ATP8A2: variants seen among roughly 807,000 people sequenced by gnomAD.
The protein encoded by ATP8A2 is phospholipid-transporting ATPase IB.
A neutral mutation model predicts 165.6 loss-of-function variants in ATP8A2; 100 were observed. The ratio of observed to expected loss-of-function variants is 0.60; its 90% CI spans 0.51 to 0.71. ATP8A2 has a LOEUF of 0.71. Among genes scored for constraint, ATP8A2 ranks in the 30% least tolerant of loss-of-function variants. The pLI is 0.00. For missense variants in ATP8A2, 1,227 were observed against 1,479.5 expected, an observed-to-expected ratio of 0.83 and a Z score of 2.80; for synonymous variants, 543 against 548.8, an observed-to-expected ratio of 0.99 and a Z score of 0.15.
chr13:25,745,301 G>C (rs2044006661), intron 25 of ATP8A2, among the ~76,000 whole-genome samples: 1 of 152,190 alleles, frequency 6.6e-6, no homozygotes, highest in South Asian at 2.1e-4. Flanking sequence ...TCATGGCATA[G>C]AACTCAGCTT....
chr13:25,677,726 C>G (rs1225941546), intron 24 of ATP8A2, among the ~76,000 whole-genome samples: 1 of 152,174 alleles, frequency 6.6e-6, no homozygotes, highest in African/African-American at 2.4e-5. Context: ...AGGGGACTGT[C>G]TTCTCATGGT....
chr13:25,940,674 T>G (rs1009068912), intron 33 of ATP8A2, among the ~76,000 whole-genome samples: 34 of 152,322 alleles, frequency 2.2e-4, no homozygotes, highest in African/African-American at 8.2e-4. Flanking sequence ...CACAAGCCTT[T>G]GCCCACCGTG....
At chr13:25,815,254 G>C (rs1419229749) in intron 27 of ATP8A2, among the ~76,000 whole-genome samples, 4 of 152,126 alleles carry the variant, frequency 2.6e-5, no homozygotes, top group Admixed American at 2.6e-4. Flanking sequence ...TCAACAGAGT[G>C]AAAAGGCAGC....
intron 25 of ATP8A2, among the ~76,000 whole-genome samples, chr13:25,717,418 TA>T (rs55732375): frequency 0.057 from 5,430 of 94,982 alleles, 145 homozygotes; most frequent in Middle Eastern, 0.16. Context: ...CTGAAAAAAC[TA>T]AAAAAAAAAA....
intron 30 of ATP8A2, among the ~76,000 whole-genome samples, chr13:25,847,359 G>A (rs962318802): frequency 5.9e-5 from 9 of 152,182 alleles, no homozygotes; most frequent in Admixed American, 2.0e-4. Flanking sequence ...TATGAACTGC[G>A]GTAAAGCTCT....
At chr13:25,620,061 G>A (rs1426340479) in intron 24 of ATP8A2, among the ~76,000 whole-genome samples, 1 of 152,164 alleles carries the variant, frequency 6.6e-6, no homozygotes, top group East Asian at 1.9e-4. Flanking sequence ...ATAGGGCAGA[G>A]TAAATATTTG....
chr13:25,806,465 A>C (rs931078550), intron 27 of ATP8A2, among the ~76,000 whole-genome samples: 1 of 152,084 alleles, frequency 6.6e-6, no homozygotes, highest in East Asian at 1.9e-4. Context: ...GCTGAAGCCA[A>C]CATTACCAGG....
chr13:25,832,343 A>ACACTCTAGT (rs1951500136), intron 28 of ATP8A2, among the ~76,000 whole-genome samples: 1 of 152,222 alleles, frequency 6.6e-6, no homozygotes, highest in East Asian at 1.9e-4. Context: ...AATGCAGAGA[A>ACACTCTAGT]CACTCTAGTA....
chr13:25,732,212 G>A (rs560010495), intron 25 of ATP8A2, among the ~76,000 whole-genome samples: 11 of 152,330 alleles, frequency 7.2e-5, no homozygotes, highest in South Asian at 4.1e-4. Flanking sequence ...TTGGAGGCAC[G>A]TATGATGCTT....
intron 33 of ATP8A2, among the ~76,000 whole-genome samples, chr13:25,926,167 A>G (rs186981906): frequency 1.3e-5 from 2 of 151,876 alleles, no homozygotes; most frequent in African/African-American, 4.8e-5. Context: ...AGACTTAAAG[A>G]CTCTCCACAA....
chr13:25,404,711 A>T (rs956313032), intron 1 of ATP8A2, among the ~76,000 whole-genome samples: 1 of 151,438 alleles, frequency 6.6e-6, no homozygotes, highest in African/African-American at 2.4e-5. Flanking sequence ...AGGGATAATC[A>T]TTTTTCTTTT....
At position 25,996,644 on chromosome 13, in the gene ATP8A2, G is replaced by T. The variant is rs150621051; in HGVS notation, c.3378-15887G>T. ...GCGTTCAAGCAATTCTCCTGCCTCAGCCTCCTAAGTAGCTGGTATTACAGG... is the reference window on the plus strand; with the variant it reads ...GCGTTCAAGCAATTCTCCTGCCTCATCCTCCTAAGTAGCTGGTATTACAGG... On this transcript the variant is annotated intron_variant, in intron 35 of 36. Transcript: ENST00000381655. Among the ~76,000 whole-genome samples, 299 of 152,074 alleles carry T rather than the reference G, an allele frequency of 2.0e-3. 2 individuals carry two copies. Among genetic ancestry groups the T allele is most frequent in the African/African-American group, 6.3e-3 (263 of 41,478 alleles).
chr13:25,498,137 T>C (rs2137680067), intron 2 of ATP8A2, among the ~76,000 whole-genome samples: 1 of 152,250 alleles, frequency 6.6e-6, no homozygotes, highest in East Asian at 1.9e-4. Flanking sequence ...GTCATGCTCA[T>C]TGTTAGGATT....
Position 25,578,914 on chromosome 13 carries a change from G to C in ATP8A2, c.1867+15G>C. On this transcript the variant is annotated intron_variant, in intron 21 of 36. Transcript: ENST00000381655. ...TGCCACGGAAGGTAAGTGGAATTTG[G>C]AAATGCTGTTTTTGGCCATTGGAGC... is the stretch of plus-strand genomic sequence containing the variant. 6.4e-7 allele frequency: 1 copy of C among 1,565,486 alleles called. No homozygotes were observed. The highest frequency in any genetic ancestry group is 8.8e-7 in the Non-Finnish European group (1 of 1,136,204).
At chr13:26,001,086 A>G (rs1028546206) in intron 35 of ATP8A2, among the ~76,000 whole-genome samples, 1 of 152,164 alleles carries the variant, frequency 6.6e-6, no homozygotes. Flanking sequence ...GCCTGTTTTC[A>G]GTCTTTACAT....
chr13:26,006,031 T>G (rs1956729764), intron 35 of ATP8A2, among the ~76,000 whole-genome samples: 1 of 152,028 alleles, frequency 6.6e-6, no homozygotes, highest in South Asian at 2.1e-4. Context: ...AGCTTTTCTA[T>G]CTTTGCAAAC....
chr13:25,800,154 G>A (rs1421585873), intron 27 of ATP8A2, among the ~76,000 whole-genome samples: 2 of 152,230 alleles, frequency 1.3e-5, no homozygotes, highest in Non-Finnish European at 2.9e-5. Context: ...CCAGAGGTGC[G>A]ATGTAACTTG....
At chr13:25,395,658 A>G (rs1169475045) in intron 1 of ATP8A2, among the ~76,000 whole-genome samples, 2 of 152,028 alleles carry the variant, frequency 1.3e-5, no homozygotes, top group Admixed American at 6.6e-5. Flanking sequence ...AGCTCAGTCT[A>G]TTGAGTATCT....
chr13:25,955,150 A>G (rs9511989), intron 33 of ATP8A2, among the ~76,000 whole-genome samples: 11,847 of 152,268 alleles, frequency 0.078, 895 homozygotes, highest in East Asian at 0.44. Flanking sequence ...TTGGAGAACA[A>G]CATAAAGCAG....
Sources: gnomAD v4.1 joint callset for allele counts (sites outside exome capture counted in the v4.1 genomes callset) on GRCh38, gnomAD v4.1.1 for gene constraint, MANE v1.5 for transcripts, NCBI Gene and HGNC (gene_info 2026-07-23, HGNC 2026-07-21) for gene names.